ADAM22: variants seen among roughly 807,000 people sequenced by gnomAD.
ADAM22 encodes the protein disintegrin and metalloproteinase domain-containing protein 22.
Under a neutral mutation model 144.6 loss-of-function variants are expected in ADAM22, and 65 were observed. The ratio of observed to expected loss-of-function variants is 0.45; its 90% CI spans 0.37 to 0.55. The LOEUF is 0.55. ADAM22 is among the 20% of genes least tolerant of loss of function. The pLI is 0.00. For missense variants in ADAM22, 974 were observed against 1,184.9 expected, an observed-to-expected ratio of 0.82 and a Z score of 2.61; for synonymous variants, 391 against 412.6, an observed-to-expected ratio of 0.95 and a Z score of 0.63.
Position 88,153,833 on chromosome 7 carries a change from A to G in ADAM22, c.1787+507A>G, listed in dbSNP as rs558380699. 3.9e-5 allele frequency among the ~76,000 whole-genome samples: 6 copies of G among 152,264 alleles called. No homozygotes were observed. The East Asian group carries it at 1.2e-3, about 29-fold the overall frequency. On this transcript the variant is annotated intron_variant, in intron 21 of 31. Transcript: ENST00000413139. ...TCATGTATTCACTTACGTTCCTATT[A>G]CCATTACCTGAACTAAGACCTATAT... is the stretch of plus-strand genomic sequence containing the variant.
chr7:88,077,630 G>A (rs1026043869), intron 4 of ADAM22, among the ~76,000 whole-genome samples: 6 of 152,174 alleles, frequency 3.9e-5, no homozygotes, highest in Non-Finnish European at 5.9e-5. Context: ...CTGGAAAATC[G>A]GGTCACTCCC....
At chr7:87,955,409 T>C (rs943867016) in intron 2 of ADAM22, among the ~76,000 whole-genome samples, 2 of 152,224 alleles carry the variant, frequency 1.3e-5, no homozygotes, top group South Asian at 2.1e-4. Context: ...CTGCAGACCC[T>C]GTTTGCCTGG....
chr7:88,082,277 T>A (rs893597542), intron 4 of ADAM22, among the ~76,000 whole-genome samples: 1 of 152,216 alleles, frequency 6.6e-6, no homozygotes, highest in African/African-American at 2.4e-5. Flanking sequence ...GAAAACTGGC[T>A]AGCCATAAGT....
At chr7:88,025,573 A>G (rs1474117955) in intron 3 of ADAM22, among the ~76,000 whole-genome samples, 1 of 152,162 alleles carries the variant, frequency 6.6e-6, no homozygotes, top group Non-Finnish European at 1.5e-5. Flanking sequence ...GTCTCGTTTC[A>G]TTCCTCTATA....
At chr7:88,100,136 A>G (rs907284931) in intron 4 of ADAM22, among the ~76,000 whole-genome samples, 1 of 152,204 alleles carries the variant, frequency 6.6e-6, no homozygotes, top group Non-Finnish European at 1.5e-5. Flanking sequence ...ATACTTCTCT[A>G]TACCATCTTT....
chr7:88,200,376 T>C lies in ADAM22; in HGVS notation c.*3885T>C, dbSNP rs1586701023. On this transcript the variant is annotated 3_prime_UTR_variant, in exon 32 of 32. Transcript: ENST00000413139. ...GCAGGATATTGAGTAGCTTGTAGAG[T>C]ATATGGAAGGGGAGAGCCAAGTTAG... 1 of 151,996 alleles carries C rather than the reference T, an allele frequency of 6.6e-6. No individual in the cohort carries two copies. The highest frequency in any genetic ancestry group is 6.6e-5 in the Admixed American group (1 of 15,258). 9.4% of individuals were successfully genotyped at this position (151,996 alleles called of 1,614,324 possible).
rs1397814194 is a variant in ADAM22 at position 87,934,311 on chromosome 7, G to C, written c.-155G>C. The C allele has an allele frequency of 8.4e-5, 52 of 618,900 alleles. No homozygotes were observed. The East Asian group carries it at 1.2e-3, about 14-fold the overall frequency. 38.3% of individuals were successfully genotyped at this position (618,900 alleles called of 1,614,324 possible). ...GAAGCACAATGCAGCACTGAGCCGC[G>C]GTGGAGGTTGCAGCGCCACGGCCGC... is the stretch of plus-strand genomic sequence containing the variant. On this transcript the variant is annotated 5_prime_UTR_variant, in exon 1 of 32. Transcript: ENST00000413139.
intron 3 of ADAM22, among the ~76,000 whole-genome samples, chr7:88,030,055 T>C (rs1013654792): frequency 6.6e-6 from 1 of 152,190 alleles, no homozygotes; most frequent in Non-Finnish European, 1.5e-5. Context: ...GAATAAACTT[T>C]CTACCTGCCC....
intron 2 of ADAM22, among the ~76,000 whole-genome samples, chr7:87,936,111 T>A (rs1474451665): frequency 6.6e-6 from 1 of 152,216 alleles, no homozygotes; most frequent in Non-Finnish European, 1.5e-5. Flanking sequence ...TTAAGATATA[T>A]CTTGATGATG....
In ADAM22 at chr7:88,128,628, A is replaced by G. The variant is rs1258060905; in HGVS notation, c.705A>G (p.Glu235=). The G allele has an allele frequency of 5.6e-6, 9 of 1,611,950 alleles. No individual in the cohort carries two copies. Among genetic ancestry groups the G allele is most frequent in the Middle Eastern group, 1.6e-4 (1 of 6,064 alleles). The change falls in exon 9 of 32, where the codon GAA becomes GAG. Residue 235 remains glutamate, a synonymous_variant. Transcript: ENST00000413139. The part of the protein sequence containing the change: ...RQLRRYPRNV[E]EETKYIELMI... ...TTCGTCGATATCCTCGTAATGTAGA[A>G]GAAGAAACCAAATACATTGAACTGA...
Position 88,039,464 on chromosome 7 carries a change from A to AAAAAAAAAAAATATAT in ADAM22, c.324-36161_324-36160insAAAAAAAAAATATATA. On this transcript the variant is annotated intron_variant, in intron 3 of 31. Coordinates refer to ENST00000413139, the MANE Select transcript of ADAM22 (RefSeq NM_001324418.2). ...GATTCTGTCTCAAAAAAAAAAAAAA[A>AAAAAAAAAAAATATAT]ATATATATATATATATATATACATT... is the stretch of plus-strand genomic sequence containing the variant. Among the ~76,000 whole-genome samples, 10 of 76,402 alleles carry AAAAAAAAAAAATATAT rather than the reference A, an allele frequency of 1.3e-4. No homozygotes were observed. In the East Asian group the frequency reaches 2.1e-3, roughly 16 times the overall value. The allele number at this position is 76,402 out of a possible 152,430, so 50.1% of individuals were successfully genotyped here. A position where few individuals can be genotyped will look rare whatever the true frequency, so the allele number is the denominator to read the frequency against.
intron 3 of ADAM22, among the ~76,000 whole-genome samples, chr7:88,052,498 TG>T (rs1271577972): frequency 1.3e-5 from 2 of 151,224 alleles, no homozygotes; most frequent in East Asian, 3.9e-4. Context: ...AAACTGCGTC[TG>T]AAAAAAAAAA....
At chr7:88,078,759 G>C (rs1284835856) in intron 4 of ADAM22, among the ~76,000 whole-genome samples, 1 of 152,148 alleles carries the variant, frequency 6.6e-6, no homozygotes, top group East Asian at 1.9e-4. Context: ...GATGGAAGAT[G>C]AAATGAATGA....
At chr7:87,992,344 G>T (rs1227114342) in intron 3 of ADAM22, among the ~76,000 whole-genome samples, 2 of 152,140 alleles carry the variant, frequency 1.3e-5, no homozygotes, top group Non-Finnish European at 2.9e-5. Context: ...TTGGGGCCTA[G>T]GGAAGGTGTT....
chr7:88,124,455 A>G (rs1408162511), intron 7 of ADAM22, among the ~76,000 whole-genome samples: 1 of 151,402 alleles, frequency 6.6e-6, no homozygotes, highest in Non-Finnish European at 1.5e-5. Context: ...AATGTTTGTA[A>G]GGTGTATCTT....
rs1178646747 is a variant in ADAM22, at chr7:88,197,805, C to CT, written c.*1316dup. 1 of 152,202 alleles carries CT rather than the reference C, an allele frequency of 6.6e-6. No homozygotes were observed. Among genetic ancestry groups the CT allele is most frequent in the Non-Finnish European group, 1.5e-5 (1 of 68,052 alleles). 9.4% of individuals were successfully genotyped at this position (152,202 alleles called of 1,614,324 possible). On this transcript the variant is annotated 3_prime_UTR_variant, in exon 32 of 32. Transcript: ENST00000413139. ...AGATTCTACTGTTTGAGTTGAGCAG[C>CT]TTCAACCATTCATAAAGGGTTAAGT...
rs139571060 is a variant in ADAM22, at chr7:88,196,239, G to A, written c.2875-232G>A. Among the ~76,000 whole-genome samples, 390 of 152,264 alleles carry A rather than the reference G, an allele frequency of 2.6e-3. 1 individual carries two copies. The highest frequency in any genetic ancestry group is 9.0e-3 in the African/African-American group (375 of 41,538). ...TAGTAACATTAAATGAGGATGTGATGGTTTTTGTATCAAAAGATGGCTGCT... is the reference window on the plus strand; with the variant it reads ...TAGTAACATTAAATGAGGATGTGATAGTTTTTGTATCAAAAGATGGCTGCT... On this transcript the variant is annotated intron_variant, in intron 31 of 31. Transcript: ENST00000413139.
Position 88,155,878 on chromosome 7 carries a change from T to C in ADAM22, c.1788-9T>C. ...GGGAAAAGAAGTAATTGGTAATCTT[T>C]TGATACAGGGATGTGCTTTGTGGTT... On this transcript the variant is annotated splice_polypyrimidine_tract_variant and intron_variant, in intron 21 of 31. Transcript: ENST00000413139. 1.2e-6 allele frequency: 2 copies of C among 1,610,754 alleles called. No homozygotes were observed. The highest frequency in any genetic ancestry group is 1.3e-5 in the African/African-American group (1 of 74,902).
chr7:87,956,151 G>T (rs1004050526), intron 2 of ADAM22, among the ~76,000 whole-genome samples: 4 of 152,068 alleles, frequency 2.6e-5, no homozygotes, highest in South Asian at 2.1e-4. Flanking sequence ...GCACCCACTG[G>T]CTGGCACTCC....
Sources: allele counts gnomAD v4.1 joint callset (sites outside exome capture counted in the v4.1 genomes callset), GRCh38; gene constraint gnomAD v4.1.1; transcripts MANE v1.5; gene names NCBI Gene and HGNC (gene_info 2026-07-23, HGNC 2026-07-21).